TFEB: variants seen among roughly 807,000 people sequenced by gnomAD.
TFEB encodes transcription factor EB.
A neutral mutation model predicts 48.0 loss-of-function variants in TFEB; 12 were observed. The observed-to-expected ratio is 0.25, with a 90% CI of 0.16 to 0.40. The LOEUF is 0.40. Ranked by LOEUF, TFEB falls within the 10% of genes least tolerant of loss-of-function variation. The pLI, the probability that TFEB is intolerant of heterozygous loss-of-function variation, is 1.00. For synonymous variants in TFEB, 244 were observed against 261.4 expected (o/e 0.93, Z 0.64); for missense variants, 509 against 640.3 (o/e 0.79, Z 2.21).
At chr6:41,689,576 T>C (rs1769187351) in intron 4 of TFEB, among the ~76,000 whole-genome samples, 155 bp downstream of exon 4, 1 of 152,196 alleles carries the variant, frequency 6.6e-6, no homozygotes, top group Non-Finnish European at 1.5e-5. Flanking sequence ...CCCCGGCCTT[T>C]GTCACATTAT....
At chr6:41,713,670 TC>T in intron 1 of TFEB, among the ~76,000 whole-genome samples, 1 of 152,064 alleles carries the variant, frequency 6.6e-6, no homozygotes, top group Admixed American at 6.5e-5. Context: ...GCCACCTTAC[TC>T]CTCAGGCTGT....
At chr6:41,703,960 C>T (rs1379065112) in intron 1 of TFEB, among the ~76,000 whole-genome samples, 1 of 152,184 alleles carries the variant, frequency 6.6e-6, no homozygotes, top group Non-Finnish European at 1.5e-5. Flanking sequence ...CCACAGTGTG[C>T]TGGGTGCCCC....
chr6:41,712,371 C>T (rs1770520581), intron 1 of TFEB, among the ~76,000 whole-genome samples: 1 of 152,192 alleles, frequency 6.6e-6, no homozygotes, highest in Admixed American at 6.5e-5. Flanking sequence ...TTTCCTGAGT[C>T]CTGGTCTGGG....
rs75455499 is a variant in TFEB at position 41,690,743 on chromosome 6, C to T, written c.388G>A (p.Val130Met). ...AASPGVRAGH[V>M]LSSSAGNSAP... The stretch of plus-strand genomic sequence containing the variant: ...CTGTTGCCAGCGGAGGAGGACAGCA[C>T]GTGTCCAGCTCGCACCCCTGGGGAG... The change falls in exon 3 of 9, where the codon GTG becomes ATG. Residue 130 changes from valine (V) to methionine (M), a missense_variant. Around this residue, in one of 4 missense-constraint regions of TFEB, gnomAD observed 251 missense variants for 317.2 expected, o/e 0.79. Coordinates refer to ENST00000373033, the MANE Select transcript of TFEB (RefSeq NM_001271944.2). The T allele has an allele frequency of 9.2e-4, 1,480 of 1,602,752 alleles. 28 individuals carry two copies. The East Asian group carries it at 0.031, about 33-fold the overall frequency.
upstream of TFEB, chr6:41,735,691 A>G: frequency 2.1e-6 from 1 of 474,610 alleles, no homozygotes; most frequent in Non-Finnish European, 2.8e-6. Flanking sequence ...TGGGAAGCGT[A>G]GTTCTCGCTG....
chr6:41,711,652 C>A (rs990471473), intron 1 of TFEB, among the ~76,000 whole-genome samples: 2 of 152,188 alleles, frequency 1.3e-5, no homozygotes, highest in African/African-American at 4.8e-5. Context: ...GACAGGGGAA[C>A]AAAAGGGTGG....
At position 41,684,121 on chromosome 6, in the gene TFEB, A is replaced by C. The variant is rs1768859111; in HGVS notation, c.*478T>G. ...ATTAGCACCAAAGTGGGGGGTGCCC[A>C]CCTGTGGGAGAGCCGAGGACCAGGC... is the stretch of plus-strand genomic sequence containing the variant. On this transcript the variant is annotated 3_prime_UTR_variant, in exon 9 of 9. Transcript: ENST00000373033. The C allele has an allele frequency of 4.3e-6, 1 of 232,924 alleles. No homozygotes were observed. The highest frequency in any genetic ancestry group is 5.6e-5 in the Admixed American group (1 of 17,738). The allele number at this position is 232,924 out of a possible 1,614,324, so 14.4% of individuals were successfully genotyped here.
Position 41,723,748 on chromosome 6 carries a change from G to A in TFEB, c.-23+11602C>T, listed in dbSNP as rs1449775181. ...AACACAGACTGCTTCAATCTCACCC[G>A]CCCGGCTCCAGGCGCCCACAGCGCT... On this transcript the variant is annotated intron_variant, in intron 1 of 8. Transcript: ENST00000373033. This position sits in a 1 kb window ranked among gnomAD's most constrained non-coding sequence, Gnocchi z 6.0. 2.1e-5 allele frequency: 8 copies of A among 376,350 alleles called. 1 individual carries two copies. The highest frequency in any genetic ancestry group is 1.8e-4 in the Admixed American group (5 of 27,258). The allele number at this position is 376,350 out of a possible 1,614,324, so 23.3% of individuals were successfully genotyped here.
At chr6:41,697,333 G>A (rs912510412) in intron 1 of TFEB, among the ~76,000 whole-genome samples, 48 of 142,796 alleles carry the variant, frequency 3.4e-4, no homozygotes, top group African/African-American at 1.1e-3. Context: ...GCTTGAACCC[G>A]GGAGGCAGAG....
Position 41,689,711 on chromosome 6 carries a change from C to A in TFEB, c.549+20G>T. ...CTCCCTAGAACCCTTGCACACCCAC[C>A]CCACCCTAGCCAGGAGTACCGTGTT... On this transcript the variant is annotated intron_variant, in intron 4 of 8. Transcript: ENST00000373033. 1 of 1,610,888 alleles carries A rather than the reference C, an allele frequency of 6.2e-7. No homozygotes were observed. Among genetic ancestry groups the A allele is most frequent in the East Asian group, 2.2e-5 (1 of 44,866 alleles).
upstream of TFEB, chr6:41,736,200 G>A (rs771002325): frequency 1.2e-6 from 2 of 1,612,776 alleles, no homozygotes; most frequent in Non-Finnish European, 1.7e-6. Context: ...CTCCTTTCAT[G>A]TCACCTTCCC....
At chr6:41,702,657 G>A (rs886481305) in intron 1 of TFEB, among the ~76,000 whole-genome samples, 3 of 152,176 alleles carry the variant, frequency 2.0e-5, no homozygotes, top group East Asian at 3.8e-4. Flanking sequence ...GGGAAGGTGA[G>A]GCCTAAGACT....
At position 41,724,799 on chromosome 6, in the gene TFEB, G is replaced by A. The variant is rs1358276336; in HGVS notation, c.-23+10551C>T. ...TCTGCAGCCCTCATCAAAAGGCTGGGGCCCGCAGGGACTGTGGGGGAAGCG... is the reference window on the plus strand; with the variant it reads ...TCTGCAGCCCTCATCAAAAGGCTGGAGCCCGCAGGGACTGTGGGGGAAGCG... On this transcript the variant is annotated intron_variant, in intron 1 of 8. Coordinates refer to ENST00000373033, the MANE Select transcript of TFEB (RefSeq NM_001271944.2). The surrounding 1 kb of genome is among the most constrained non-coding windows in gnomAD (Gnocchi z 4.4). 6.6e-6 allele frequency among the ~76,000 whole-genome samples: 1 copy of A among 152,170 alleles called. No homozygotes were observed. Among genetic ancestry groups the A allele is most frequent in the Non-Finnish European group, 1.5e-5 (1 of 68,030 alleles).
intron 1 of TFEB, among the ~76,000 whole-genome samples, chr6:41,703,501 T>C (rs1052581938): frequency 8.0e-5 from 10 of 125,196 alleles, no homozygotes; most frequent in Non-Finnish European, 1.5e-4. Flanking sequence ...AGCCTCCCTG[T>C]GGCTGGTCTG....
intron 1 of TFEB, among the ~76,000 whole-genome samples, chr6:41,719,532 G>T (rs539336957): frequency 1.9e-4 from 29 of 152,276 alleles, no homozygotes; most frequent in African/African-American, 6.3e-4. Flanking sequence ...CAAGGAAGGG[G>T]TCAGTGCCCT....
At chr6:41,729,010 G>A (rs1160979486) in intron 1 of TFEB, among the ~76,000 whole-genome samples, 2 of 151,974 alleles carry the variant, frequency 1.3e-5, no homozygotes, top group African/African-American at 2.4e-5. Context: ...CTAGGGGTAC[G>A]GCACGGACCA....
At chr6:41,689,905 G>A in intron 3 of TFEB, 94 bp from the exon 4 acceptor site, 2 of 935,658 alleles carry the variant, frequency 2.1e-6, no homozygotes, top group Admixed American at 3.9e-5. Context: ...AGGGACCTTG[G>A]AGCCCACCTC....
intron 1 of TFEB, among the ~76,000 whole-genome samples, chr6:41,719,209 C>T (rs1770872116): frequency 6.6e-6 from 1 of 152,200 alleles, no homozygotes; most frequent in South Asian, 2.1e-4. Context: ...TGTCTCCCAT[C>T]ACCCCCAGAT....
chr6:41,733,837 C>G, intron 1 of TFEB: 1 of 985,672 alleles, frequency 1.0e-6, no homozygotes, highest in Non-Finnish European at 1.2e-6. Flanking sequence ...GCGTTCTAAC[C>G]GAGCGCATCC....
Sources: gnomAD v4.1 joint callset for allele counts (sites outside exome capture counted in the v4.1 genomes callset) on GRCh38, gnomAD v4.1.1 for gene constraint, gnomAD v4.1.1 regional missense constraint, Gnocchi (gnomAD v3.1) non-coding constraint, MANE v1.5 for transcripts, NCBI Gene and HGNC (gene_info 2026-07-23, HGNC 2026-07-21) for gene names.